The following PTPRD variants were observed in gnomAD, a reference collection of about 807,000 sequenced individuals.
The protein encoded by PTPRD is protein tyrosine phosphatase receptor type D, also known as receptor-type tyrosine-protein phosphatase delta.
PTPRD carries 34 observed loss-of-function variants against 214.5 expected under a neutral mutation model. The observed-to-expected ratio is 0.16, with a 90% CI of 0.12 to 0.21. The LOEUF is 0.21. PTPRD is among the 10% of genes least tolerant of loss of function. The pLI is 1.00. For synonymous variants in PTPRD, 1,128 were observed against 845.7 expected, an observed-to-expected ratio of 1.33 and a Z score of -5.79; for missense variants, 2,545 against 2,398.7, an observed-to-expected ratio of 1.06 and a Z score of -1.27.
rs368790004 is a variant in PTPRD, at chr9:9,839,208, T to G, written c.-367-72357A>C. ...TGTTGGAAGTTCTGGCCAGGACAATTAGGCAGGAGAAGGAAATACAGGGTA... is the reference window on the plus strand; with the variant it reads ...TGTTGGAAGTTCTGGCCAGGACAATGAGGCAGGAGAAGGAAATACAGGGTA... On this transcript the variant is annotated intron_variant, in intron 5 of 45. Coordinates refer to ENST00000381196, the MANE Select transcript of PTPRD (RefSeq NM_002839.4). Among the ~76,000 whole-genome samples the G allele has an allele frequency of 5.5e-4, 83 of 152,184 alleles. 1 individual carries two copies. Among genetic ancestry groups the G allele is most frequent in the African/African-American group, 1.9e-3 (79 of 41,528 alleles).
At chr9:8,319,737 T>C (rs1160835584) in intron 45 of PTPRD, 94 bp downstream of exon 45, 7 of 1,452,424 alleles carry the variant, frequency 4.8e-6, no homozygotes, top group Middle Eastern at 3.5e-4. Flanking sequence ...CCACAGTATT[T>C]TGTGTCTGGT....
intron 9 of PTPRD, among the ~76,000 whole-genome samples, chr9:9,250,742 C>A (rs568593758): frequency 6.6e-6 from 1 of 151,956 alleles, no homozygotes; most frequent in East Asian, 2.0e-4. Context: ...ACAGCAAAAA[C>A]CAAACCAAAA....
intron 7 of PTPRD, among the ~76,000 whole-genome samples, chr9:9,642,658 A>G (rs1447892971): frequency 6.6e-6 from 1 of 152,168 alleles, no homozygotes; most frequent in African/African-American, 2.4e-5. Flanking sequence ...TCCAGAAACA[A>G]TAGGTTAGTA....
chr9:9,770,002 C>G (rs957020135), intron 5 of PTPRD, among the ~76,000 whole-genome samples: 1 of 152,158 alleles, frequency 6.6e-6, no homozygotes, highest in African/African-American at 2.4e-5. Context: ...TTTATCCAGT[C>G]TATCACTGAT....
chr9:9,700,571 T>C (rs539114767), intron 7 of PTPRD, among the ~76,000 whole-genome samples: 49 of 152,192 alleles, frequency 3.2e-4, no homozygotes, highest in African/African-American at 1.2e-3. Flanking sequence ...AAGCTGAAAG[T>C]GGTAACAATT....
intron 11 of PTPRD, among the ~76,000 whole-genome samples, chr9:8,948,224 T>C (rs576491377): frequency 1.2e-3 from 184 of 149,066 alleles, no homozygotes; most frequent in African/African-American, 4.4e-3. Flanking sequence ...TTCACCATGT[T>C]GGCCAGGATA....
intron 10 of PTPRD, among the ~76,000 whole-genome samples, chr9:9,150,817 T>C (rs78521743): frequency 0.034 from 5,168 of 152,248 alleles, 311 homozygotes; most frequent in African/African-American, 0.12. Flanking sequence ...AAATATGCTA[T>C]GACATAAGGT....
At chr9:10,546,588 T>G (rs1013852915) in intron 2 of PTPRD, among the ~76,000 whole-genome samples, 2 of 152,036 alleles carry the variant, frequency 1.3e-5, no homozygotes, top group Non-Finnish European at 2.9e-5. Context: ...AAACAATTGG[T>G]ACTAATTGAC....
At chr9:10,050,760 T>G (rs1438563984) in intron 3 of PTPRD, among the ~76,000 whole-genome samples, 2 of 152,080 alleles carry the variant, frequency 1.3e-5, no homozygotes, top group Admixed American at 6.6e-5. Flanking sequence ...ATCCTTACCT[T>G]ATTTTATTTT....
At chr9:9,696,150 AT>A in intron 7 of PTPRD, among the ~76,000 whole-genome samples, 1 of 152,252 alleles carries the variant, frequency 6.6e-6, no homozygotes, top group East Asian at 1.9e-4. Flanking sequence ...AATATATTCC[AT>A]TATGGTCATA....
intron 43 of PTPRD, 40 bp from the exon 44 acceptor site, chr9:8,331,776 C>A: frequency 6.5e-7 from 1 of 1,529,838 alleles, no homozygotes; most frequent in Non-Finnish European, 8.8e-7. Context: ...CAAAGGAAGA[C>A]GCCAGGAGGA....
chr9:8,937,265 C>T (rs1237050704), intron 11 of PTPRD, among the ~76,000 whole-genome samples: 1 of 152,100 alleles, frequency 6.6e-6, no homozygotes, highest in African/African-American at 2.4e-5. Context: ...AGTCAGGAAT[C>T]AAAGAACGTG....
chr9:9,911,604 A>T (rs943285085), intron 5 of PTPRD, among the ~76,000 whole-genome samples: 2 of 152,138 alleles, frequency 1.3e-5, no homozygotes, highest in African/African-American at 4.8e-5. Context: ...TTTCATTTTC[A>T]TAATAATTTG....
intron 2 of PTPRD, among the ~76,000 whole-genome samples, chr9:10,533,169 C>G (rs775572913): frequency 3.5e-4 from 53 of 152,090 alleles, no homozygotes; most frequent in Non-Finnish European, 5.1e-4. Context: ...TTCCTGCTTT[C>G]CTCCAGGAGT....
intron 5 of PTPRD, among the ~76,000 whole-genome samples, chr9:9,892,438 G>C (rs958025827): frequency 1.3e-5 from 2 of 152,084 alleles, no homozygotes; most frequent in African/African-American, 2.4e-5. Flanking sequence ...ACAGAAAGTA[G>C]ATCTAGGGCA....
chr9:10,610,242 G>T (rs551674879), intron 2 of PTPRD, among the ~76,000 whole-genome samples: 2 of 152,202 alleles, frequency 1.3e-5, no homozygotes, highest in East Asian at 3.9e-4. Context: ...AAATGCATGT[G>T]CAAGCTTTAC....
intron 9 of PTPRD, among the ~76,000 whole-genome samples, chr9:9,382,750 C>T (rs1268072357): frequency 6.6e-6 from 1 of 151,960 alleles, no homozygotes; most frequent in African/African-American, 2.4e-5. Flanking sequence ...ATGCAGTTTC[C>T]TTAAAATATC....
intron 2 of PTPRD, among the ~76,000 whole-genome samples, chr9:10,568,165 G>A (rs976674158): frequency 2.9e-5 from 4 of 136,838 alleles, no homozygotes; most frequent in African/African-American, 1.1e-4. Context: ...CCCTTCCTGT[G>A]TCCATGTGTT....
chr9:9,798,584 C>G (rs1343119555), intron 5 of PTPRD, among the ~76,000 whole-genome samples: 1 of 152,166 alleles, frequency 6.6e-6, no homozygotes, highest in Non-Finnish European at 1.5e-5. Context: ...AATGACCTTT[C>G]TGCTTCTGCT....
Sources: gnomAD v4.1 joint callset for allele counts (sites outside exome capture counted in the v4.1 genomes callset) on GRCh38, gnomAD v4.1.1 for gene constraint, MANE v1.5 for transcripts, NCBI Gene and HGNC (gene_info 2026-07-23, HGNC 2026-07-21) for gene names.